Variants in RTL4 observed in about 807,000 individuals in gnomAD.
RTL4 encodes the protein retrotransposon Gag-like protein 4.
Under a neutral mutation model 5.3 loss-of-function variants are expected in RTL4, and 4 were observed. The observed-to-expected ratio is 0.75, with a 90% CI of 0.37 to 1.72. The LOEUF is 1.72. RTL4 is among the 40% of genes most tolerant of loss of function. RTL4 has a pLI of 0.04. For missense variants in RTL4, 260 were observed against 227.1 expected (o/e 1.14, Z -0.93); for synonymous variants, 98 against 87.3 (o/e 1.12, Z -0.68).
the RTL4 span, among the ~76,000 whole-genome samples, chrX:112,400,853 C>T: frequency 9.0e-6 from 1 of 111,441 alleles, no homozygotes; most frequent in Non-Finnish European, 1.9e-5. Flanking sequence ...GAAGCTCTCC[C>T]TTCTTTGGTA....
the RTL4 span, among the ~76,000 whole-genome samples, chrX:112,339,629 C>T: frequency 0.039 from 4,417 of 112,349 alleles, 230 homozygotes; most frequent in African/African-American, 0.14. Flanking sequence ...ACAACCACCA[C>T]ATCATGGGCG....
chrX:112,164,237 G>T, the RTL4 span, among the ~76,000 whole-genome samples: 1 of 110,824 alleles, frequency 9.0e-6, no homozygotes, highest in Non-Finnish European at 1.9e-5. Flanking sequence ...AGTTGATGGG[G>T]AGAAGAGTGC....
the RTL4 span, among the ~76,000 whole-genome samples, chrX:112,421,540 A>G: frequency 8.9e-6 from 1 of 111,843 alleles, no homozygotes; most frequent in East Asian, 2.8e-4. Flanking sequence ...ACAGATTTTT[A>G]TGTCACTGAA....
the RTL4 span, among the ~76,000 whole-genome samples, chrX:112,365,572 T>G: frequency 3.5e-4 from 39 of 111,407 alleles, no homozygotes; most frequent in Non-Finnish European, 5.9e-4. Context: ...AGTTTGTAGA[T>G]TCCCTGGGAG....
the RTL4 span, chrX:112,320,428 T>C: frequency 9.0e-6 from 1 of 111,287 alleles, no homozygotes; most frequent in Non-Finnish European, 1.9e-5. Flanking sequence ...AATACTTTCA[T>C]TGCTTCTGGT....
chrX:112,405,180 A>G, the RTL4 span, among the ~76,000 whole-genome samples: 2 of 111,771 alleles, frequency 1.8e-5, no homozygotes. Context: ...AGGGCCACAC[A>G]CTCAAAAAAA....
At chrX:112,423,274 A>G in the RTL4 span, among the ~76,000 whole-genome samples, 1 of 110,591 alleles carries the variant, frequency 9.0e-6, no homozygotes, top group Non-Finnish European at 1.9e-5. Flanking sequence ...ATGAAGGCAA[A>G]GCAACTTACC....
At chrX:112,376,975 G>C in the RTL4 span, among the ~76,000 whole-genome samples, 1 of 112,256 alleles carries the variant, frequency 8.9e-6, no homozygotes, top group Non-Finnish European at 1.9e-5. Flanking sequence ...AATCAGACAA[G>C]ATGGTAAATA....
the RTL4 span, among the ~76,000 whole-genome samples, chrX:112,155,280 C>T: frequency 1.8e-5 from 2 of 109,922 alleles, no homozygotes; most frequent in African/African-American, 6.6e-5. Context: ...ATATCTTATT[C>T]CCTGGCTTTT....
chrX:112,315,781 C>T, the RTL4 span, among the ~76,000 whole-genome samples: 4 of 112,010 alleles, frequency 3.6e-5, no homozygotes, highest in African/African-American at 1.3e-4. Flanking sequence ...CCTGATGCTA[C>T]ACTGAGGCAT....
At chrX:112,096,277 T>A in the RTL4 span, among the ~76,000 whole-genome samples, 7 of 112,234 alleles carry the variant, frequency 6.2e-5, no homozygotes, top group East Asian at 5.6e-4. Flanking sequence ...AATTGCCAAT[T>A]TTCATGTAGG....
the RTL4 span, among the ~76,000 whole-genome samples, chrX:112,430,468 A>G: frequency 8.1e-5 from 9 of 111,782 alleles, no homozygotes; most frequent in Admixed American, 6.7e-4. Context: ...TGCTTTTCCA[A>G]TTAAAGCCTT....
chrX:112,229,912 GGCC>G, the RTL4 span, among the ~76,000 whole-genome samples: 3 of 111,865 alleles, frequency 2.7e-5, no homozygotes, highest in Admixed American at 1.9e-4. Flanking sequence ...AGGAGTACCC[GGCC>G]GTGTGAGGTG....
chrX:112,118,611 C>T, the RTL4 span, among the ~76,000 whole-genome samples: 1 of 111,893 alleles, frequency 8.9e-6, no homozygotes, highest in Non-Finnish European at 1.9e-5. Flanking sequence ...GGGAATTATA[C>T]AAGGGTGTTA....
chrX:112,360,220 T>C, the RTL4 span, among the ~76,000 whole-genome samples: 5 of 111,291 alleles, frequency 4.5e-5, no homozygotes, highest in Non-Finnish European at 3.8e-5. Context: ...TCCATTTCTC[T>C]AGGTCCTTTT....
the RTL4 span, among the ~76,000 whole-genome samples, chrX:112,190,164 CT>C: frequency 2.2e-5 from 2 of 89,144 alleles, no homozygotes; most frequent in Non-Finnish European, 4.5e-5. Flanking sequence ...TTCTTTCTTT[CT>C]TTCTTTCTTT....
the RTL4 span, among the ~76,000 whole-genome samples, chrX:112,159,463 T>A: frequency 2.7e-5 from 3 of 111,800 alleles, no homozygotes; most frequent in Non-Finnish European, 3.8e-5. Flanking sequence ...ATCGTCATTT[T>A]ACGGTGCCAA....
the RTL4 span, among the ~76,000 whole-genome samples, chrX:112,203,724 T>G: frequency 8.9e-6 from 1 of 111,998 alleles, no homozygotes; most frequent in African/African-American, 3.2e-5. Flanking sequence ...TTGTTGAGGT[T>G]ATTTTAGCTA....
the RTL4 span, among the ~76,000 whole-genome samples, chrX:112,221,677 T>C: frequency 1.8e-5 from 2 of 112,515 alleles, no homozygotes; most frequent in African/African-American, 3.2e-5. Context: ...ATCAGAGGGA[T>C]GGCTTCAGTC....
Sources: allele counts gnomAD v4.1 joint callset (sites outside exome capture counted in the v4.1 genomes callset), GRCh38; gene constraint gnomAD v4.1.1; transcripts MANE v1.5; gene names NCBI Gene and HGNC (gene_info 2026-07-23, HGNC 2026-07-21).